The following ZFYVE28 variants were observed in gnomAD, a reference collection of about 807,000 sequenced individuals.
ZFYVE28 encodes the protein lateral signaling target protein 2 homolog.
Under a neutral mutation model 82.1 loss-of-function variants are expected in ZFYVE28, and 40 were observed. The observed-to-expected ratio is 0.49, with a 90% CI of 0.38 to 0.63. ZFYVE28 has a LOEUF of 0.63. Among genes scored for constraint, ZFYVE28 ranks in the 30% least tolerant of loss-of-function variants. The pLI is 0.00. For synonymous variants in ZFYVE28, 612 were observed against 546.1 expected (o/e 1.12, Z -1.68); for missense variants, 1,321 against 1,242.1 (o/e 1.06, Z -0.96).
intron 4 of ZFYVE28, among the ~76,000 whole-genome samples, chr4:2,338,226 C>T (rs1407527915): frequency 1.3e-5 from 2 of 152,264 alleles, no homozygotes; most frequent in African/African-American, 4.8e-5. Context: ...GGAGGCCTGC[C>T]AGTGGCTCTG....
chr4:2,320,168 A>G lies in ZFYVE28; in HGVS notation c.803+2T>C. 3.0e-6 allele frequency: 4 copies of G among 1,337,468 alleles called. No homozygotes were observed. The highest frequency in any genetic ancestry group is 4.0e-6 in the Non-Finnish European group (4 of 997,478). 82.9% of individuals were successfully genotyped at this position (1,337,468 alleles called of 1,614,324 possible). A position where few individuals can be genotyped will look rare whatever the true frequency, so the allele number is the denominator to read the frequency against. On this transcript the variant is annotated splice_donor_variant, in intron 7 of 12. Coordinates refer to ENST00000290974, the MANE Select transcript of ZFYVE28 (RefSeq NM_020972.3). LOFTEE classifies it high-confidence loss of function. This position sits in a 1 kb window ranked among gnomAD's most constrained non-coding sequence, Gnocchi z 5.1. ...CCCCACCTCCTCTAGCTCCATCCCC[A>G]CCTTATTTTCCGCAGCAACGTGTGG...
At chr4:2,410,730 C>T (rs1732440075) in intron 1 of ZFYVE28, among the ~76,000 whole-genome samples, 2 of 152,086 alleles carry the variant, frequency 1.3e-5, no homozygotes, top group South Asian at 2.1e-4. Flanking sequence ...CTCCTGACCT[C>T]GTGATCCGCC....
intron 6 of ZFYVE28, chr4:2,330,900 C>T (rs1254146054): frequency 6.5e-7 from 1 of 1,532,826 alleles, no homozygotes; most frequent in East Asian, 2.5e-5. Flanking sequence ...GGTGGGAGCT[C>T]CGGCAAGGGT....
intron 2 of ZFYVE28, among the ~76,000 whole-genome samples, chr4:2,351,974 C>T (rs777443589): frequency 2.1e-4 from 32 of 152,168 alleles, no homozygotes; most frequent in Non-Finnish European, 2.1e-4. Flanking sequence ...CCTCAGTACA[C>T]GCAGGGGACA....
intron 2 of ZFYVE28, among the ~76,000 whole-genome samples, chr4:2,350,247 G>C (rs1049557111): frequency 2.6e-5 from 4 of 151,996 alleles, no homozygotes; most frequent in African/African-American, 4.8e-5. Flanking sequence ...GGTGGATCAC[G>C]AGGTCAGGAG....
chr4:2,393,593 T>C (rs1336196708), intron 1 of ZFYVE28, among the ~76,000 whole-genome samples: 2 of 152,246 alleles, frequency 1.3e-5, no homozygotes, highest in South Asian at 2.1e-4. Context: ...CAGCCACATG[T>C]AGCCCTGAAG....
Position 2,339,519 on chromosome 4 carries a change from G to C in ZFYVE28, c.455C>G (p.Thr152Ser), listed in dbSNP as rs765207478. 22 of 1,613,816 alleles carry C rather than the reference G, an allele frequency of 1.4e-5. 1 individual carries two copies. The South Asian group carries it at 2.0e-4, about 15-fold the overall frequency. The change falls in exon 4 of 13, where the codon ACC (threonine) becomes AGC (serine). Residue 152 changes from threonine (T) to serine (S), a missense_variant. Physicochemically the swap from Thr to Ser is moderately conservative, Grantham distance 58 (BLOSUM62 1). Around this residue, in one of 2 missense-constraint regions of ZFYVE28, gnomAD observed 343 missense variants for 408.4 expected, o/e 0.84. Coordinates refer to ENST00000290974, the MANE Select transcript of ZFYVE28 (RefSeq NM_020972.3). This position sits in a 1 kb window ranked among gnomAD's most constrained non-coding sequence, Gnocchi z 5.0. ...CGCTTCCCTCATCTTCTCTGTGTAG[G>C]TGTTCAGGTCCCGCAGCGCCTGGTC... ...LRDQALRDLN[T>S]YTEKMREALR...
chr4:2,367,118 T>C (rs1726972967), intron 1 of ZFYVE28, among the ~76,000 whole-genome samples: 1 of 152,178 alleles, frequency 6.6e-6, no homozygotes, highest in South Asian at 2.1e-4. Context: ...AGCCTCTCTG[T>C]CGCTGCCGAG....
chr4:2,304,364 T>C lies in ZFYVE28; in HGVS notation c.1976A>G (p.Gln659Arg), dbSNP rs1385168626. 4 of 1,610,520 alleles carry C rather than the reference T, an allele frequency of 2.5e-6. No individual in the cohort carries two copies. Among genetic ancestry groups the C allele is most frequent in the Non-Finnish European group, 3.4e-6 (4 of 1,179,968 alleles). The change falls in exon 8 of 13, where the codon CAG (glutamine) becomes CGG (arginine). Residue 659 changes from glutamine (Q) to arginine (R), a missense_variant. Coordinates refer to ENST00000290974, the MANE Select transcript of ZFYVE28 (RefSeq NM_020972.3). ...ATGCAGCTCTCTGGCCTCTGGCTCC[T>C]GCTGACCTGCAACCCCAGCCTCTCC... The part of the protein sequence containing the change: ...LQGEAGVAGQ[Q>R]EPEARELHAG...
At position 2,341,458 on chromosome 4, in the gene ZFYVE28, C is replaced by T; in HGVS notation, c.318+20G>A. The T allele has an allele frequency of 1.2e-6, 2 of 1,611,906 alleles. No individual in the cohort carries two copies. Among genetic ancestry groups the T allele is most frequent in the Non-Finnish European group, 1.7e-6 (2 of 1,179,794 alleles). On this transcript the variant is annotated intron_variant, in intron 3 of 12. Coordinates refer to ENST00000290974, the MANE Select transcript of ZFYVE28 (RefSeq NM_020972.3). This position sits in a 1 kb window ranked among gnomAD's most constrained non-coding sequence, Gnocchi z 4.5. Reference sequence around the variant, plus strand: ...GCCACCCCACATCAGGACCTCCGAACCCGGGTGGCCACCCGCTACCTCGGC... The same window carrying T: ...GCCACCCCACATCAGGACCTCCGAATCCGGGTGGCCACCCGCTACCTCGGC...
chr4:2,366,945 G>C (rs1347193176), intron 1 of ZFYVE28, among the ~76,000 whole-genome samples: 1 of 152,252 alleles, frequency 6.6e-6, no homozygotes, highest in Non-Finnish European at 1.5e-5. Context: ...GCAAAGCTGG[G>C]AGATAATTGC....
chr4:2,346,144 C>T lies in ZFYVE28; in HGVS notation c.181-4529G>A, dbSNP rs958608379. Among the ~76,000 whole-genome samples, 22 of 142,254 alleles carry T rather than the reference C, an allele frequency of 1.5e-4. No individual in the cohort carries two copies. In the East Asian group the frequency reaches 2.0e-3, roughly 13 times the overall value. 93.3% of individuals were successfully genotyped at this position (142,254 alleles called of 152,430 possible). On this transcript the variant is annotated intron_variant, in intron 2 of 12. Coordinates refer to ENST00000290974, the MANE Select transcript of ZFYVE28 (RefSeq NM_020972.3). ...GAGATCGAGACCATCCTGGCTAATA[C>T]GGTGAAACCCCGTCTCTACTAAAAA...
At chr4:2,403,461 A>G (rs552718998) in intron 1 of ZFYVE28, among the ~76,000 whole-genome samples, 3 of 152,320 alleles carry the variant, frequency 2.0e-5, no homozygotes, top group Admixed American at 2.0e-4. Flanking sequence ...GGGAGGACAT[A>G]GCGCACTTCT....
chr4:2,343,582 A>C (rs1308685575), intron 2 of ZFYVE28: 1 of 152,268 alleles, frequency 6.6e-6, no homozygotes, highest in African/African-American at 2.4e-5. Flanking sequence ...TGATTCAACA[A>C]ACAAATGAGC....
At chr4:2,307,954 C>T (rs1428012691) in intron 7 of ZFYVE28, among the ~76,000 whole-genome samples, 1 of 152,286 alleles carries the variant, frequency 6.6e-6, no homozygotes, top group African/African-American at 2.4e-5. Context: ...GAAAAACAAC[C>T]ATTCCCGCTG....
At chr4:2,287,358 G>A (rs1712907541) in intron 8 of ZFYVE28, 1 of 152,314 alleles carries the variant, frequency 6.6e-6, no homozygotes, top group African/African-American at 2.4e-5. Flanking sequence ...GATAGCCACT[G>A]ACGGGTCAGA....
chr4:2,341,750 T>C lies in ZFYVE28; in HGVS notation c.181-135A>G. The C allele has an allele frequency of 7.7e-7, 1 of 1,297,562 alleles. No individual in the cohort carries two copies. The highest frequency in any genetic ancestry group is 1.1e-6 in the Non-Finnish European group (1 of 948,190). The allele number at this position is 1,297,562 out of a possible 1,614,324, so 80.4% of individuals were successfully genotyped here. The stretch of plus-strand genomic sequence containing the variant: ...AAGTGATAGAGGAGGCTAGGCACGG[T>C]GGCTCATGCCTATAATGCCAGCACT... On this transcript the variant is annotated intron_variant, in intron 2 of 12. Coordinates refer to ENST00000290974, the MANE Select transcript of ZFYVE28 (RefSeq NM_020972.3). This position sits in a 1 kb window ranked among gnomAD's most constrained non-coding sequence, Gnocchi z 4.5.
Position 2,341,930 on chromosome 4 carries a change from G to A in ZFYVE28, c.181-315C>T, listed in dbSNP as rs1237663833. Among the ~76,000 whole-genome samples, 3 of 152,218 alleles carry A rather than the reference G, an allele frequency of 2.0e-5. No homozygotes were observed. In the East Asian group the frequency reaches 5.8e-4, roughly 29 times the overall value. ...AGCTATTAGGGAGGCTGAGGCAGGA[G>A]AATCACTTGAACCAGGGAGGCAGAG... is the stretch of plus-strand genomic sequence containing the variant. On this transcript the variant is annotated intron_variant, in intron 2 of 12. Coordinates refer to ENST00000290974, the MANE Select transcript of ZFYVE28 (RefSeq NM_020972.3). The surrounding 1 kb of genome is among the most constrained non-coding windows in gnomAD (Gnocchi z 4.5).
chr4:2,345,039 G>A (rs375254998), intron 2 of ZFYVE28, among the ~76,000 whole-genome samples: 15 of 151,510 alleles, frequency 9.9e-5, no homozygotes, highest in East Asian at 5.8e-4. Flanking sequence ...GTGAAACCCC[G>A]TCTCTACTAA....
Sources: allele counts gnomAD v4.1 joint callset (sites outside exome capture counted in the v4.1 genomes callset), GRCh38; gene constraint gnomAD v4.1.1; regional missense constraint gnomAD v4.1.1; non-coding constraint Gnocchi (gnomAD v3.1); transcripts MANE v1.5; gene names NCBI Gene and HGNC (gene_info 2026-07-23, HGNC 2026-07-21).